The following OR9I1 variants were observed in gnomAD, a reference collection of about 807,000 sequenced individuals.
The protein encoded by OR9I1 is olfactory receptor 9I1.
In OR9I1, 7 loss-of-function variants were observed where a neutral mutation model predicts 11.2. The observed-to-expected ratio is 0.62, with a 90% CI of 0.36 to 1.17. The LOEUF is 1.17. Among genes scored for constraint, OR9I1 ranks in the 50% most tolerant of loss-of-function variants. The probability of loss-of-function intolerance (pLI) is 0.02; values close to 1 mark genes in which losing one functional copy is unlikely to be tolerated. For synonymous variants in OR9I1, 165 were observed against 153.4 expected, an observed-to-expected ratio of 1.08 and a Z score of -0.56; for missense variants, 428 against 377.2, an observed-to-expected ratio of 1.13 and a Z score of -1.12.
intron 2 of OR9I1, among the ~76,000 whole-genome samples, chr11:58,122,539 T>A (rs1155857): frequency 6.6e-6 from 1 of 152,180 alleles, no homozygotes; most frequent in Admixed American, 6.6e-5. Flanking sequence ...AGGCTCTGTA[T>A]CTACTAAATA....
Position 58,118,928 on chromosome 11 carries a change from G to T in OR9I1, c.517C>A (p.Gln173Lys), listed in dbSNP as rs2120128499. 6.2e-7 allele frequency: 1 copy of T among 1,614,032 alleles called. No individual in the cohort carries two copies. Residue 173 changes from glutamine to lysine, a missense_variant, in exon 3 of 3, where the codon CAA (glutamine) becomes AAA (lysine). Transcript: ENST00000641439. Reference sequence around the variant, plus strand: ...AGGTCACAGAAGAAGAAGTTTATTTGATTGTCCTTACAGAAGGAGAGGGTG... The same window carrying T: ...AGGTCACAGAAGAAGAAGTTTATTTTATTGTCCTTACAGAAGGAGAGGGTG... ...TFTLSFCKDNQINFFFCDLPP... is the reference protein window; with the variant it reads ...TFTLSFCKDNKINFFFCDLPP...
intron 2 of OR9I1, among the ~76,000 whole-genome samples, chr11:58,123,130 T>C (rs1362834040): frequency 1.3e-5 from 2 of 152,206 alleles, no homozygotes; most frequent in Admixed American, 1.3e-4. Context: ...ATTTAAATCT[T>C]TGGGAGATTA....
Position 58,118,150 on chromosome 11 carries a change from G to T in OR9I1, c.*350C>A, listed in dbSNP as rs1590599714. ...GTGGGATTGATGGGAGCAAAAACAA[G>T]AGGGAAAGGATGGCAAGCCCAGGCA... On this transcript the variant is annotated 3_prime_UTR_variant, in exon 3 of 3. Transcript: ENST00000641439. 1 of 175,458 alleles carries T rather than the reference G, an allele frequency of 5.7e-6. No homozygotes were observed. The highest frequency in any genetic ancestry group is 1.5e-4 in the East Asian group (1 of 6,454). The allele number at this position is 175,458 out of a possible 1,614,324, so 10.9% of individuals were successfully genotyped here.
At chr11:58,119,881 A>G (rs186467463) in intron 2 of OR9I1, among the ~76,000 whole-genome samples, 7 of 152,122 alleles carry the variant, frequency 4.6e-5, no homozygotes, top group Non-Finnish European at 8.8e-5. Context: ...CTCCTTCTGT[A>G]CCTTTCACAC....
At position 58,119,287 on chromosome 11, in the gene OR9I1, A is replaced by G; in HGVS notation, c.158T>C (p.Val53Ala). Residue 53 changes from valine to alanine, a missense_variant, in exon 3 of 3, where the codon GTC (valine) becomes GCC (alanine). Transcript: ENST00000641439. ...GAAGTACATTGGGGTGTAGAGTTTGACATCTACTTGGATTAACATAATCAT... is the reference window on the plus strand; with the variant it reads ...GAAGTACATTGGGGTGTAGAGTTTGGCATCTACTTGGATTAACATAATCAT... Reference protein sequence around the residue: ...VGMIMLIQVDVKLYTPMYFFL... With the variant: ...VGMIMLIQVDAKLYTPMYFFL... 2 of 1,613,992 alleles carry G rather than the reference A, an allele frequency of 1.2e-6. No individual in the cohort carries two copies. The highest frequency in any genetic ancestry group is 1.1e-5 in the South Asian group (1 of 91,072).
intron 2 of OR9I1, among the ~76,000 whole-genome samples, chr11:58,122,600 T>C (rs2120143377): frequency 6.6e-6 from 1 of 152,328 alleles, no homozygotes; most frequent in Admixed American, 6.5e-5. Context: ...TATAGTTACT[T>C]AAACATAATA....
chr11:58,124,793 T>C (rs2441966), intron 1 of OR9I1, among the ~76,000 whole-genome samples, 154 bp from the exon 2 acceptor site: 26,654 of 152,144 alleles, frequency 0.18, 4,161 homozygotes, highest in African/African-American at 0.39. Flanking sequence ...GTTGGAGTGT[T>C]GAATCAACAC....
chr11:58,124,043 T>C (rs1268837597), intron 2 of OR9I1, among the ~76,000 whole-genome samples: 4 of 152,208 alleles, frequency 2.6e-5, no homozygotes, highest in Non-Finnish European at 5.9e-5. Context: ...TTATCTAATA[T>C]GGTAGAGCTT....
rs577652470 is a variant in OR9I1, at chr11:58,119,150, C to T, written c.295G>A (p.Ala99Thr). Residue 99 changes from alanine to threonine, a missense_variant, in exon 3 of 3, where the codon GCC becomes ACC. Coordinates refer to ENST00000641439, the MANE Select transcript of OR9I1 (RefSeq NM_001005211.2). ...CAGATGGTGAATAAAAAGAACTGGGCAGCACAGTGGCCGTAGGAGATGACC... is the reference window on the plus strand; with the variant it reads ...CAGATGGTGAATAAAAAGAACTGGGTAGCACAGTGGCCGTAGGAGATGACC... The part of the protein sequence containing the change: ...KTVISYGHCA[A>T]QFFLFTICAG... 2.3e-5 allele frequency: 37 copies of T among 1,613,978 alleles called. No homozygotes were observed. The Admixed American group carries it at 2.8e-4, about 12-fold the overall frequency.
At position 58,118,605 on chromosome 11, in the gene OR9I1, C is replaced by A. The variant is rs1417976284; in HGVS notation, c.840G>T (p.Val280=). ...TCAGAGGGTTCAGCATGGGGATGAC[C>A]ACTGTATAGAAGACAGACACGACTT... ...EDKVVSVFYT[V]VIPMLNPLIY... Residue 280 remains valine (V), a synonymous_variant, in exon 3 of 3, where the codon GTG becomes GTT. Transcript: ENST00000641439. 4 of 1,613,948 alleles carry A rather than the reference C, an allele frequency of 2.5e-6. No individual in the cohort carries two copies. The highest frequency in any genetic ancestry group is 3.4e-6 in the Non-Finnish European group (4 of 1,179,930).
At chr11:58,125,232 ACC>A (rs202052034) in intron 1 of OR9I1, 40 bp downstream of exon 1, 1 of 58,484 alleles carries the variant, frequency 1.7e-5, no homozygotes, top group African/African-American at 6.3e-5. Context: ...TTCCCCCCTT[ACC>A]CACCGCCCCC....
chr11:58,120,632 G>A (rs1854020107), intron 2 of OR9I1, among the ~76,000 whole-genome samples: 1 of 139,972 alleles, frequency 7.1e-6, no homozygotes, highest in Non-Finnish European at 1.6e-5. Context: ...GTGTAGATCA[G>A]TACCCAGCAC....
At position 58,119,172 on chromosome 11, in the gene OR9I1, G is replaced by A. The variant is rs372462144; in HGVS notation, c.273C>T (p.Val91=). The A allele has an allele frequency of 2.5e-6, 4 of 1,613,896 alleles. No individual in the cohort carries two copies. In the African/African-American group the frequency reaches 4.0e-5, roughly 16 times the overall value. Residue 91 remains valine, a synonymous_variant, in exon 3 of 3, where the codon GTC becomes GTT. Transcript: ENST00000641439. ...GGGCAGCACAGTGGCCGTAGGAGAT[G>A]ACCGTTTTGCCTGTGGCCAATGTGG... ...ILATLATGKT[V]ISYGHCAAQF... is the part of the protein sequence containing the mutation.
In OR9I1 at chr11:58,119,446, G is replaced by A. The variant is rs757076975; in HGVS notation, c.-2C>T. 3 of 1,571,928 alleles carry A rather than the reference G, an allele frequency of 1.9e-6. No homozygotes were observed. The highest frequency in any genetic ancestry group is 2.6e-6 in the Non-Finnish European group (3 of 1,147,236). On this transcript the variant is annotated 5_prime_UTR_variant, in exon 3 of 3. Coordinates refer to ENST00000641439, the MANE Select transcript of OR9I1 (RefSeq NM_001005211.2). ...TCTGGTGAGATTATTCTTGGCCATG[G>A]AGACAATGTGGACTGTTGGTCTGAG...
rs1206265738 is a variant in OR9I1 at position 58,116,967 on chromosome 11, T to C, written c.*1533A>G. On this transcript the variant is annotated 3_prime_UTR_variant, in exon 3 of 3. Coordinates refer to ENST00000641439, the MANE Select transcript of OR9I1 (RefSeq NM_001005211.2). Reference sequence around the variant, plus strand: ...GATACATGCACTCCACCTTTCCAGGTAAGTACTCGTTTGTTTTATTCCTTG... The same window carrying C: ...GATACATGCACTCCACCTTTCCAGGCAAGTACTCGTTTGTTTTATTCCTTG... 6.6e-6 allele frequency: 1 copy of C among 152,208 alleles called. No homozygotes were observed. The highest frequency in any genetic ancestry group is 1.5e-5 in the Non-Finnish European group (1 of 68,036). 9.4% of individuals were successfully genotyped at this position (152,208 alleles called of 1,614,324 possible).
In OR9I1 at chr11:58,118,840, A is replaced by C; in HGVS notation, c.605T>G (p.Phe202Cys). Reference sequence around the variant, plus strand: ...ATTGGCCAAAATCACAAAATTGCCAAAGAAGATGATGACAATCTCGATGTT... The same window carrying C: ...ATTGGCCAAAATCACAAAATTGCCACAGAAGATGATGACAATCTCGATGTT... ...TANIEIVIIFFGNFVILANAS... is the reference protein window; with the variant it reads ...TANIEIVIIFCGNFVILANAS... The change falls in exon 3 of 3, where the codon TTT becomes TGT. Residue 202 changes from phenylalanine (F) to cysteine (C), a missense_variant. Phe to Cys is a radical substitution (Grantham distance 205). Coordinates refer to ENST00000641439, the MANE Select transcript of OR9I1 (RefSeq NM_001005211.2). 1 of 1,614,064 alleles carries C rather than the reference A, an allele frequency of 6.2e-7. No homozygotes were observed. The highest frequency in any genetic ancestry group is 1.3e-5 in the African/African-American group (1 of 75,070).
chr11:58,119,525 T>C, intron 2 of OR9I1, 59 bp from the exon 3 acceptor site: 1 of 977,346 alleles, frequency 1.0e-6, no homozygotes, highest in South Asian at 1.8e-5. Flanking sequence ...TCTTTCCCTC[T>C]ATGGTGGAAG....
At chr11:58,123,759 C>T (rs911789458) in intron 2 of OR9I1, among the ~76,000 whole-genome samples, 5 of 152,126 alleles carry the variant, frequency 3.3e-5, no homozygotes, top group Non-Finnish European at 5.9e-5. Context: ...ACCCTTTATG[C>T]AGATCCAAGC....
rs530439324 is a variant in OR9I1, at chr11:58,117,037, A to G, written c.*1463T>C. ...ACATCTTCCTCAGTTCATTGCTTTC[A>G]TTGACTTTTATCATCATTGGTTGGT... On this transcript the variant is annotated 3_prime_UTR_variant, in exon 3 of 3. Coordinates refer to ENST00000641439, the MANE Select transcript of OR9I1 (RefSeq NM_001005211.2). 3 of 152,096 alleles carry G rather than the reference A, an allele frequency of 2.0e-5. No homozygotes were observed. The highest frequency in any genetic ancestry group is 4.4e-5 in the Non-Finnish European group (3 of 68,006). The allele number at this position is 152,096 out of a possible 1,614,324, so 9.4% of individuals were successfully genotyped here.
Sources: allele counts gnomAD v4.1 joint callset (sites outside exome capture counted in the v4.1 genomes callset), GRCh38; gene constraint gnomAD v4.1.1; transcripts MANE v1.5; gene names NCBI Gene and HGNC (gene_info 2026-07-23, HGNC 2026-07-21).